The following MYT1 variants were observed in gnomAD, a reference collection of about 807,000 sequenced individuals.
The protein encoded by MYT1 is myelin transcription factor I.
Under a neutral mutation model 123.0 loss-of-function variants are expected in MYT1, and 23 were observed. The ratio of observed to expected loss-of-function variants is 0.19; its 90% CI spans 0.13 to 0.26. The LOEUF (loss-of-function observed/expected upper bound fraction) is 0.26. MYT1 is among the 10% of genes least tolerant of loss of function. The pLI is 1.00. For missense variants in MYT1, 1,125 were observed against 1,472.5 expected, an observed-to-expected ratio of 0.76 and a Z score of 3.86; for synonymous variants, 518 against 575.3, an observed-to-expected ratio of 0.90 and a Z score of 1.43.
intron 16 of MYT1, among the ~76,000 whole-genome samples, chr20:64,224,894 C>T (rs534719840): frequency 2.0e-5 from 3 of 152,142 alleles, no homozygotes; most frequent in African/African-American, 7.2e-5. Flanking sequence ...GATGCTTGGG[C>T]GGATGAAAGG....
Position 64,203,685 on chromosome 20 carries a change from G to T in MYT1, c.87-1350G>T, listed in dbSNP as rs2145713310. On this transcript the variant is annotated intron_variant, in intron 4 of 22. Transcript: ENST00000328439. This position sits in a 1 kb window ranked among gnomAD's most constrained non-coding sequence, Gnocchi z 5.1. The stretch of plus-strand genomic sequence containing the variant: ...CTGTTGAGCCAGGGGATAGGGTAAG[G>T]CCTGGATTCTGCTGACGGTTCTCCC... Among the ~76,000 whole-genome samples the T allele has an allele frequency of 6.6e-6, 1 of 152,320 alleles. No homozygotes were observed. The highest frequency in any genetic ancestry group is 2.1e-4 in the South Asian group (1 of 4,832).
At chr20:64,170,996 G>A (rs1299797772) in intron 1 of MYT1, among the ~76,000 whole-genome samples, 8 of 146,782 alleles carry the variant, frequency 5.5e-5, no homozygotes, top group African/African-American at 1.3e-4. Context: ...TGCAACCTCC[G>A]CCTCCGGGTT....
At chr20:64,217,349 C>T in intron 11 of MYT1, 68 bp downstream of exon 11, 1 of 1,545,194 alleles carries the variant, frequency 6.5e-7, no homozygotes, top group Non-Finnish European at 8.9e-7. Context: ...ATTCAAGGGG[C>T]AGTGGAGGAG....
At chr20:64,235,601 G>C (rs1199233476) in intron 19 of MYT1, among the ~76,000 whole-genome samples, 2 of 147,340 alleles carry the variant, frequency 1.4e-5, no homozygotes, top group African/African-American at 5.0e-5. Context: ...GCCATGGTGG[G>C]TGACCCCGAG....
chr20:64,178,332 C>T (rs1026938302), intron 1 of MYT1, among the ~76,000 whole-genome samples: 1 of 152,270 alleles, frequency 6.6e-6, no homozygotes, highest in Non-Finnish European at 1.5e-5. Context: ...TCCACCCTCA[C>T]CTTCTCGGCC....
rs1983141447 is a variant in MYT1, at chr20:64,196,937, A to G, written c.1-1925A>G. 6.6e-6 allele frequency among the ~76,000 whole-genome samples: 1 copy of G among 152,252 alleles called. No homozygotes were observed. The highest frequency in any genetic ancestry group is 2.4e-5 in the African/African-American group (1 of 41,480). On this transcript the variant is annotated intron_variant, in intron 2 of 22. Coordinates refer to ENST00000328439, the MANE Select transcript of MYT1 (RefSeq NM_004535.3). The surrounding 1 kb of genome is among the most constrained non-coding windows in gnomAD (Gnocchi z 4.3). The stretch of plus-strand genomic sequence containing the variant: ...GATTGCATTTCAGCTGAGTGCAGGC[A>G]CCGCACAAGTCCCATTGTACGTCCT...
rs1325235490 is a variant in MYT1 at position 64,217,301 on chromosome 20, T to C, written c.1846+20T>C. 6.2e-7 allele frequency: 1 copy of C among 1,612,652 alleles called. No homozygotes were observed. The highest frequency in any genetic ancestry group is 1.3e-5 in the African/African-American group (1 of 75,024). ...TTCAATGTAAGTTGGGGAGAATTGT[T>C]CTTGTTTCTCTTCTGTGTTGCTCCT... On this transcript the variant is annotated intron_variant, in intron 11 of 22. Coordinates refer to ENST00000328439, the MANE Select transcript of MYT1 (RefSeq NM_004535.3).
chr20:64,207,690 C>T lies in MYT1; in HGVS notation c.494C>T (p.Ala165Val). Residue 165 changes from alanine (A) to valine (V), a missense_variant, in exon 7 of 23, where the codon GCA (alanine) becomes GTA (valine). Ala to Val is a moderately conservative substitution (Grantham distance 64). Coordinates refer to ENST00000328439, the MANE Select transcript of MYT1 (RefSeq NM_004535.3). The stretch of plus-strand genomic sequence containing the variant: ...TACAGCAGCTACCAGGGAATCATCG[C>T]AACTTCTCTCCTGAACTTGGGTCAA... Reference protein sequence around the residue: ...GSYSSYQGIIATSLLNLGQIA... With the variant: ...GSYSSYQGIIVTSLLNLGQIA... 3.1e-6 allele frequency: 5 copies of T among 1,614,078 alleles called. No homozygotes were observed. The highest frequency in any genetic ancestry group is 4.2e-6 in the Non-Finnish European group (5 of 1,180,034).
chr20:64,214,222 T>C (rs1457946059), intron 10 of MYT1, among the ~76,000 whole-genome samples: 1 of 152,118 alleles, frequency 6.6e-6, no homozygotes, highest in Non-Finnish European at 1.5e-5. Flanking sequence ...TGTGGGAGCG[T>C]GTGTGTGCAT....
rs768301583 is a variant in MYT1 at position 64,227,879 on chromosome 20, C to T, written c.2592-9C>T. ...ACTAAGGTGGCCTTTTTTCCTCTTTCGAAATCAGCTTGTCCGGCTGCCCTC... is the reference window on the plus strand; with the variant it reads ...ACTAAGGTGGCCTTTTTTCCTCTTTTGAAATCAGCTTGTCCGGCTGCCCTC... On this transcript the variant is annotated splice_polypyrimidine_tract_variant and intron_variant, in intron 17 of 22. Coordinates refer to ENST00000328439, the MANE Select transcript of MYT1 (RefSeq NM_004535.3). The T allele has an allele frequency of 2.7e-5, 43 of 1,606,902 alleles. No individual in the cohort carries two copies. The highest frequency in any genetic ancestry group is 1.7e-4 in the African/African-American group (13 of 74,448).
chr20:64,171,141 A>G (rs570862022), intron 1 of MYT1, among the ~76,000 whole-genome samples: 6 of 149,368 alleles, frequency 4.0e-5, no homozygotes, highest in African/African-American at 1.5e-4. Flanking sequence ...CTGGTCTTGA[A>G]CTCCTGACCT....
chr20:64,236,027 C>T (rs373532768), intron 19 of MYT1, among the ~76,000 whole-genome samples: 21 of 39,946 alleles, frequency 5.3e-4, no homozygotes, highest in South Asian at 1.1e-3. Flanking sequence ...GGGCTGGCCG[C>T]GGTGGGTGAC....
chr20:64,233,990 G>T (rs1266247654), intron 19 of MYT1, among the ~76,000 whole-genome samples: 2 of 152,228 alleles, frequency 1.3e-5, no homozygotes, highest in Non-Finnish European at 2.9e-5. Context: ...AGGCAGAGGA[G>T]AGACTAGATC....
chr20:64,195,599 T>G (rs1983096326), intron 2 of MYT1, among the ~76,000 whole-genome samples: 1 of 151,880 alleles, frequency 6.6e-6, no homozygotes, highest in Non-Finnish European at 1.5e-5. Context: ...TTTCACCCTG[T>G]TGGCCAGGCT....
Position 64,193,472 on chromosome 20 carries a change from C to A in MYT1, c.-1+3312C>A, listed in dbSNP as rs533022889. Among the ~76,000 whole-genome samples, 36 of 152,264 alleles carry A rather than the reference C, an allele frequency of 2.4e-4. No homozygotes were observed. The highest frequency in any genetic ancestry group is 8.7e-4 in the African/African-American group (36 of 41,532). On this transcript the variant is annotated intron_variant, in intron 2 of 22. Coordinates refer to ENST00000328439, the MANE Select transcript of MYT1 (RefSeq NM_004535.3). The surrounding 1 kb of genome is among the most constrained non-coding windows in gnomAD (Gnocchi z 4.0). The stretch of plus-strand genomic sequence containing the variant: ...CTTGGATCTTCCACAATACTGTCTG[C>A]TGTAATGGCTTCACAGCAGTGACAG...
intron 16 of MYT1, among the ~76,000 whole-genome samples, chr20:64,226,719 C>T (rs754464234): frequency 1.3e-5 from 2 of 152,206 alleles, no homozygotes; most frequent in African/African-American, 4.8e-5. Flanking sequence ...AATTTTGTAC[C>T]ACCTTATGTG....
At chr20:64,227,319 C>A in intron 16 of MYT1, 96 bp from the exon 17 acceptor site, 2 of 1,173,650 alleles carry the variant, frequency 1.7e-6, no homozygotes, top group South Asian at 1.4e-5. Flanking sequence ...CACTCAAGGG[C>A]TGAGCCCAGA....
intron 1 of MYT1, among the ~76,000 whole-genome samples, chr20:64,188,904 A>G (rs1214115456): frequency 6.6e-6 from 1 of 152,224 alleles, no homozygotes; most frequent in Non-Finnish European, 1.5e-5. Flanking sequence ...GTAGGTGCAC[A>G]CAGTAGGTGC....
intron 2 of MYT1, among the ~76,000 whole-genome samples, chr20:64,195,427 A>C (rs1389464436): frequency 3.0e-5 from 3 of 99,212 alleles, no homozygotes; most frequent in Non-Finnish European, 6.1e-5. Context: ...ACGGAGTCTC[A>C]CTCTGTCGCC....
Sources: allele counts gnomAD v4.1 joint callset (sites outside exome capture counted in the v4.1 genomes callset), GRCh38; gene constraint gnomAD v4.1.1; non-coding constraint Gnocchi (gnomAD v3.1); transcripts MANE v1.5; gene names NCBI Gene and HGNC (gene_info 2026-07-23, HGNC 2026-07-21).